SGCZ: variants seen among roughly 807,000 people sequenced by gnomAD.
SGCZ encodes sarcoglycan zeta.
In SGCZ, 40 loss-of-function variants were observed where a neutral mutation model predicts 41.3. The ratio of observed to expected loss-of-function variants is 0.97; its 90% CI spans 0.75 to 1.26. The LOEUF (loss-of-function observed/expected upper bound fraction) is 1.26. Among genes scored for constraint, SGCZ ranks in the 50% most tolerant of loss-of-function variants. The probability of loss-of-function intolerance (pLI) is 0.00; values close to 1 mark genes in which losing one functional copy is unlikely to be tolerated. For missense variants in SGCZ, 552 were observed against 369.8 expected (o/e 1.49, Z -4.04); for synonymous variants, 206 against 137.5 (o/e 1.50, Z -3.49).
chr8:14,142,223 G>A (rs1044641070), intron 5 of SGCZ, among the ~76,000 whole-genome samples: 5 of 152,060 alleles, frequency 3.3e-5, no homozygotes, highest in South Asian at 2.1e-4. Context: ...TGTAAATGAC[G>A]AGTTAAGGGG....
chr8:14,395,772 T>A (rs139245916), intron 2 of SGCZ, among the ~76,000 whole-genome samples: 2 of 152,162 alleles, frequency 1.3e-5, no homozygotes, highest in Non-Finnish European at 2.9e-5. Context: ...AGAGCAAGTA[T>A]CAGGATATAA....
At chr8:14,302,819 G>C (rs922021119) in intron 3 of SGCZ, among the ~76,000 whole-genome samples, 17 of 152,228 alleles carry the variant, frequency 1.1e-4, no homozygotes, top group African/African-American at 4.1e-4. Flanking sequence ...ATACAGAATT[G>C]TATCCTAAAT....
intron 1 of SGCZ, among the ~76,000 whole-genome samples, chr8:15,069,919 A>G (rs944671203): frequency 2.3e-4 from 35 of 151,996 alleles, no homozygotes; most frequent in African/African-American, 8.5e-4. Context: ...TTATATATCT[A>G]TTAGGCACAG....
intron 1 of SGCZ, among the ~76,000 whole-genome samples, chr8:14,636,666 T>C (rs180943792): frequency 6.6e-6 from 1 of 151,950 alleles, no homozygotes; most frequent in African/African-American, 2.4e-5. Context: ...CTGATGCAAG[T>C]ATCAGAAGCT....
intron 1 of SGCZ, among the ~76,000 whole-genome samples, chr8:14,852,515 CCAT>C (rs1185692360): frequency 9.2e-5 from 14 of 152,122 alleles, no homozygotes; most frequent in Non-Finnish European, 1.3e-4. Context: ...ACAAAAGTTG[CCAT>C]CGAGTACACA....
intron 1 of SGCZ, among the ~76,000 whole-genome samples, chr8:15,058,476 G>A (rs1041100962): frequency 6.6e-6 from 1 of 152,260 alleles, no homozygotes; most frequent in Admixed American, 6.5e-5. Flanking sequence ...GTGTATATTT[G>A]TCTGCAGTAA....
intron 3 of SGCZ, among the ~76,000 whole-genome samples, chr8:14,273,810 CACA>C (rs1486378959): frequency 6.6e-6 from 1 of 152,044 alleles, no homozygotes; most frequent in African/African-American, 2.4e-5. Context: ...TCGAGAGATG[CACA>C]ACAAAATATT....
intron 3 of SGCZ, among the ~76,000 whole-genome samples, chr8:14,261,311 T>A (rs1352274239): frequency 6.6e-6 from 1 of 152,162 alleles, no homozygotes. Context: ...GAATGATGCT[T>A]ATTAAAATGT....
intron 5 of SGCZ, among the ~76,000 whole-genome samples, chr8:14,131,192 A>G (rs916880070): frequency 1.3e-5 from 2 of 152,126 alleles, no homozygotes. Context: ...AACCCAGACA[A>G]AAGATGCCGC....
chr8:14,234,178 T>G (rs1447341757), intron 4 of SGCZ, among the ~76,000 whole-genome samples: 1 of 152,118 alleles, frequency 6.6e-6, no homozygotes, highest in Non-Finnish European at 1.5e-5. Flanking sequence ...ATTTAGTTTT[T>G]GTTAGGCTTG....
chr8:15,137,547 G>T (rs1808158651), intron 1 of SGCZ, among the ~76,000 whole-genome samples: 1 of 152,146 alleles, frequency 6.6e-6, no homozygotes, highest in Non-Finnish European at 1.5e-5. Flanking sequence ...CCTCCCTGCT[G>T]TGTGCAGCCT....
intron 2 of SGCZ, among the ~76,000 whole-genome samples, chr8:14,405,506 G>T (rs995339785): frequency 1.3e-5 from 2 of 152,064 alleles, no homozygotes; most frequent in African/African-American, 4.8e-5. Context: ...TCTTTCACAG[G>T]ATATCAAATA....
intron 3 of SGCZ, among the ~76,000 whole-genome samples, chr8:14,281,452 T>C (rs1800434694): frequency 9.1e-6 from 1 of 109,690 alleles, no homozygotes; most frequent in Non-Finnish European, 2.4e-5. Flanking sequence ...TAGTGATTCT[T>C]AATTTTTTTA....
At chr8:15,020,041 C>T (rs371585659) in intron 1 of SGCZ, among the ~76,000 whole-genome samples, 2 of 151,682 alleles carry the variant, frequency 1.3e-5, no homozygotes, top group Non-Finnish European at 1.5e-5. Context: ...ATTTAGCGCA[C>T]GAACCAAAAT....
At chr8:14,135,985 G>C (rs1300308866) in intron 5 of SGCZ, among the ~76,000 whole-genome samples, 1 of 152,104 alleles carries the variant, frequency 6.6e-6, no homozygotes, top group Non-Finnish European at 1.5e-5. Context: ...GAGATTGGTA[G>C]TACCCTCATA....
At chr8:14,387,920 G>T (rs372373989) in intron 2 of SGCZ, among the ~76,000 whole-genome samples, 1 of 152,024 alleles carries the variant, frequency 6.6e-6, no homozygotes, top group East Asian at 1.9e-4. Context: ...AGAAGAGAGA[G>T]AAGTGGAATG....
At chr8:15,081,457 G>A (rs1379555598) in intron 1 of SGCZ, among the ~76,000 whole-genome samples, 1 of 149,580 alleles carries the variant, frequency 6.7e-6, no homozygotes, top group Admixed American at 6.7e-5. Context: ...ATGACTAGTG[G>A]AGATGCACAT....
intron 1 of SGCZ, among the ~76,000 whole-genome samples, chr8:14,704,800 A>G (rs1170335104): frequency 6.6e-6 from 1 of 151,948 alleles, no homozygotes; most frequent in Non-Finnish European, 1.5e-5. Context: ...ACAAAAAAAC[A>G]AACAACAACA....
At chr8:14,149,939 C>G (rs1803648101) in intron 5 of SGCZ, among the ~76,000 whole-genome samples, 1 of 152,060 alleles carries the variant, frequency 6.6e-6, no homozygotes, top group Non-Finnish European at 1.5e-5. Context: ...GACAGTCTAT[C>G]AATAAATGGC....
Sources: allele counts gnomAD v4.1 joint callset (sites outside exome capture counted in the v4.1 genomes callset), GRCh38; gene constraint gnomAD v4.1.1; transcripts MANE v1.5; gene names NCBI Gene and HGNC (gene_info 2026-07-23, HGNC 2026-07-21).